CFAP90: variants seen among roughly 807,000 people sequenced by gnomAD.
CFAP90 encodes the protein cilia- and flagella-associated protein 90.
chr5:7,845,918 C>T, the CFAP90 span, among the ~76,000 whole-genome samples: 1 of 151,788 alleles, frequency 6.6e-6, no homozygotes, highest in Non-Finnish European at 1.5e-5. Context: ...GGATTAGAAG[C>T]CACAGATTGA....
chr5:7,839,992 G>A, the CFAP90 span, among the ~76,000 whole-genome samples: 6 of 149,862 alleles, frequency 4.0e-5, no homozygotes, highest in Admixed American at 6.7e-5. Context: ...TTTTATTCTC[G>A]TATGGCTTGA....
chr5:7,847,040 T>G, the CFAP90 span, among the ~76,000 whole-genome samples: 4 of 152,178 alleles, frequency 2.6e-5, no homozygotes, highest in Admixed American at 6.5e-5. Flanking sequence ...TACAGTAAAT[T>G]TAGGTGTAAC....
At chr5:7,838,409 G>A in the CFAP90 span, among the ~76,000 whole-genome samples, 1 of 152,222 alleles carries the variant, frequency 6.6e-6, no homozygotes, top group African/African-American at 2.4e-5. Flanking sequence ...TGGTACAGAA[G>A]CTAATTTGCT....
chr5:7,833,623 A>C, the CFAP90 span, among the ~76,000 whole-genome samples: 1 of 152,198 alleles, frequency 6.6e-6, no homozygotes, highest in South Asian at 2.1e-4. Context: ...ACATACATGT[A>C]CACACATATA....
chr5:7,847,217 A>G, the CFAP90 span, among the ~76,000 whole-genome samples: 1 of 152,136 alleles, frequency 6.6e-6, no homozygotes, highest in African/African-American at 2.4e-5. Context: ...TGGGCTTCAA[A>G]ATGCTTTTGT....
chr5:7,848,851 T>C, the CFAP90 span, among the ~76,000 whole-genome samples: 17 of 152,202 alleles, frequency 1.1e-4, no homozygotes, highest in African/African-American at 4.1e-4. Flanking sequence ...GAAGGACATA[T>C]TTACATCTCC....
the CFAP90 span, among the ~76,000 whole-genome samples, chr5:7,846,555 G>GA: frequency 6.6e-6 from 1 of 152,108 alleles, no homozygotes; most frequent in African/African-American, 2.4e-5. Context: ...TACCATTCAT[G>GA]AGGGCTCCAC....
chr5:7,834,141 A>G, the CFAP90 span, among the ~76,000 whole-genome samples: 3 of 152,194 alleles, frequency 2.0e-5, no homozygotes, highest in Non-Finnish European at 4.4e-5. Flanking sequence ...TTGTTAGCCT[A>G]GGAGATGACA....
the CFAP90 span, chr5:7,832,132 G>T: frequency 1.7e-6 from 2 of 1,184,770 alleles, no homozygotes; most frequent in Non-Finnish European, 2.4e-6. Context: ...TTCTGCCTGG[G>T]TCCCACCATG....
chr5:7,835,013 C>T, the CFAP90 span, among the ~76,000 whole-genome samples: 4 of 152,084 alleles, frequency 2.6e-5, no homozygotes, highest in Admixed American at 6.5e-5. Flanking sequence ...TTCTAAACCA[C>T]GGCAATAAAT....
At chr5:7,842,344 T>C in the CFAP90 span, among the ~76,000 whole-genome samples, 3,111 of 151,188 alleles carry the variant, frequency 0.021, 104 homozygotes, top group African/African-American at 0.071. Context: ...AAAAAATTAA[T>C]ACCTTTTGTC....
At chr5:7,831,582 A>G in the CFAP90 span, 1 of 342,182 alleles carries the variant, frequency 2.9e-6, no homozygotes, top group Non-Finnish European at 5.3e-6. Context: ...CTCCAGATTC[A>G]TTTGATCAAA....
chr5:7,836,833 A>C, the CFAP90 span, among the ~76,000 whole-genome samples: 1 of 152,084 alleles, frequency 6.6e-6, no homozygotes, highest in African/African-American at 2.4e-5. Flanking sequence ...TTAGAGACCG[A>C]CTTCATCAAG....
At chr5:7,850,931 TGTA>T in the CFAP90 span, 1 of 1,358,004 alleles carries the variant, frequency 7.4e-7, no homozygotes, top group Non-Finnish European at 9.5e-7. Flanking sequence ...CGCGGCGGGA[TGTA>T]GCTGAAGGCG....
the CFAP90 span, among the ~76,000 whole-genome samples, chr5:7,844,421 ATTT>A: frequency 6.6e-6 from 1 of 152,170 alleles, no homozygotes; most frequent in Non-Finnish European, 1.5e-5. Context: ...TTCATTCCTC[ATTT>A]GTTCATGCAA....
chr5:7,844,161 A>G, the CFAP90 span, among the ~76,000 whole-genome samples: 24 of 152,198 alleles, frequency 1.6e-4, no homozygotes, highest in Non-Finnish European at 4.4e-5. Flanking sequence ...GCCCTGGAGG[A>G]AGATATTCAG....
chr5:7,850,757 C>T, the CFAP90 span: 36 of 1,030,862 alleles, frequency 3.5e-5, no homozygotes, highest in Admixed American at 1.9e-4. Context: ...GATCCCTTCT[C>T]CCCCGCCCCT....
the CFAP90 span, chr5:7,831,999 A>T: frequency 6.2e-7 from 1 of 1,612,034 alleles, no homozygotes; most frequent in Non-Finnish European, 8.5e-7. Context: ...TAGACAGAAG[A>T]CGTCAGCACT....
the CFAP90 span, among the ~76,000 whole-genome samples, chr5:7,850,275 T>G: frequency 6.6e-6 from 1 of 150,830 alleles, no homozygotes; most frequent in South Asian, 2.1e-4. Flanking sequence ...CCCCTTCATC[T>G]CCGCACGCTC....
Sources: gnomAD v4.1 joint callset for allele counts (sites outside exome capture counted in the v4.1 genomes callset) on GRCh38, gnomAD v4.1.1 for gene constraint, MANE v1.5 for transcripts, NCBI Gene and HGNC (gene_info 2026-07-23, HGNC 2026-07-21) for gene names.